The following FTO variants were observed in gnomAD, a reference collection of about 807,000 sequenced individuals.
FTO encodes FTO alpha-ketoglutarate dependent dioxygenase.
FTO carries 47 observed loss-of-function variants against 63.9 expected under a neutral mutation model. The observed-to-expected ratio is 0.74, with a 90% CI of 0.58 to 0.94. The LOEUF is 0.94. Ranked by LOEUF, FTO falls within the 40% of genes least tolerant of loss-of-function variation. FTO has a pLI of 0.00. For synonymous variants in FTO, 207 were observed against 224.4 expected, an observed-to-expected ratio of 0.92 and a Z score of 0.69; for missense variants, 562 against 618.1, an observed-to-expected ratio of 0.91 and a Z score of 0.96.
intron 4 of FTO, among the ~76,000 whole-genome samples, chr16:53,845,583 A>T (rs2079595966): frequency 6.6e-6 from 1 of 152,256 alleles, no homozygotes; most frequent in Admixed American, 6.5e-5. Flanking sequence ...TTTTAAAAGG[A>T]GATTTTACAT....
At chr16:54,061,233 G>A (rs1404457581) in intron 8 of FTO, among the ~76,000 whole-genome samples, 2 of 152,172 alleles carry the variant, frequency 1.3e-5, no homozygotes, top group Non-Finnish European at 2.9e-5. Flanking sequence ...ATAGTGAAAT[G>A]ACTTCAAAAG....
At chr16:53,800,804 A>G (rs1182005924) in intron 1 of FTO, among the ~76,000 whole-genome samples, 1 of 152,014 alleles carries the variant, frequency 6.6e-6, no homozygotes, top group Non-Finnish European at 1.5e-5. Context: ...TCTTTTAATT[A>G]GTATTACTGG....
chr16:53,801,343 A>G (rs951669856), intron 1 of FTO, among the ~76,000 whole-genome samples: 1 of 151,858 alleles, frequency 6.6e-6, no homozygotes, highest in Non-Finnish European at 1.5e-5. Flanking sequence ...AAAAATTTTT[A>G]CCACAATATA....
chr16:53,809,928 G>A (rs1397467679), intron 1 of FTO, among the ~76,000 whole-genome samples: 2 of 151,726 alleles, frequency 1.3e-5, no homozygotes, highest in African/African-American at 2.4e-5. Flanking sequence ...GTGACAGAGC[G>A]AGACTCTGTC....
chr16:54,000,897 GTC>G (rs1437778776), intron 8 of FTO, among the ~76,000 whole-genome samples: 1 of 152,176 alleles, frequency 6.6e-6, no homozygotes, highest in Non-Finnish European at 1.5e-5. Flanking sequence ...AAGTCAGAAA[GTC>G]TGTTTTCTGA....
chr16:53,907,741 G>C (rs2081574932), intron 7 of FTO, among the ~76,000 whole-genome samples: 1 of 151,832 alleles, frequency 6.6e-6, no homozygotes, highest in Admixed American at 6.6e-5. Context: ...CTTCTTCAGG[G>C]CCTTTGCACA....
chr16:53,815,890 C>G (rs1264564857), intron 2 of FTO, among the ~76,000 whole-genome samples: 1 of 151,964 alleles, frequency 6.6e-6, no homozygotes, highest in Non-Finnish European at 1.5e-5. Flanking sequence ...CTCAAGTGAT[C>G]CGCCTGCCTC....
intron 8 of FTO, among the ~76,000 whole-genome samples, chr16:53,972,409 C>T (rs906400907): frequency 4.6e-5 from 7 of 152,106 alleles, no homozygotes; most frequent in South Asian, 4.1e-4. Context: ...ATCTGTCTCC[C>T]CATCTGCAAA....
At chr16:53,978,482 A>T (rs1025078903) in intron 8 of FTO, among the ~76,000 whole-genome samples, 6 of 152,194 alleles carry the variant, frequency 3.9e-5, no homozygotes, top group Non-Finnish European at 7.3e-5. Flanking sequence ...AGGGCCAAAC[A>T]TCGTTTTAGG....
chr16:53,772,970 T>A (rs1009681252), intron 1 of FTO, among the ~76,000 whole-genome samples: 2 of 152,252 alleles, frequency 1.3e-5, no homozygotes, highest in African/African-American at 4.8e-5. Context: ...TGCTCTCTCC[T>A]TTTCTCCCTT....
intron 8 of FTO, among the ~76,000 whole-genome samples, chr16:53,960,417 T>A (rs1416460359): frequency 6.6e-6 from 1 of 152,232 alleles, no homozygotes; most frequent in African/African-American, 2.4e-5. Flanking sequence ...CTTGTTTTAT[T>A]TCTGATAGTG....
At chr16:53,951,249 A>G (rs903329734) in intron 8 of FTO, among the ~76,000 whole-genome samples, 8 of 152,146 alleles carry the variant, frequency 5.3e-5, no homozygotes, top group Non-Finnish European at 1.0e-4. Flanking sequence ...CCCCAACACA[A>G]TGCTCACATT....
chr16:53,973,219 GT>G (rs1226016834), intron 8 of FTO, among the ~76,000 whole-genome samples: 1 of 152,142 alleles, frequency 6.6e-6, no homozygotes, highest in African/African-American at 2.4e-5. Flanking sequence ...CCATTTCAGA[GT>G]TTAACAGTGG....
intron 8 of FTO, among the ~76,000 whole-genome samples, chr16:53,939,039 A>G (rs1393785226): frequency 6.6e-6 from 1 of 152,126 alleles, no homozygotes; most frequent in Non-Finnish European, 1.5e-5. Context: ...CGGAGCTTGC[A>G]GTGAGCCGAG....
At chr16:53,911,494 G>A (rs756372599) in intron 7 of FTO, 18 of 702,924 alleles carry the variant, frequency 2.6e-5, no homozygotes, top group Non-Finnish European at 2.1e-5. Flanking sequence ...GGTAAGGACA[G>A]GAGGACAAGG....
chr16:53,706,487 G>C (rs1306855198), intron 1 of FTO, among the ~76,000 whole-genome samples: 1 of 152,100 alleles, frequency 6.6e-6, no homozygotes, highest in Non-Finnish European at 1.5e-5. Flanking sequence ...CTCTGTAGAT[G>C]CATCTGTATT....
At chr16:53,805,966 C>T (rs143975388) in intron 1 of FTO, among the ~76,000 whole-genome samples, 340 of 152,292 alleles carry the variant, frequency 2.2e-3, no homozygotes, top group African/African-American at 8.0e-3. Context: ...GAGCAGTGTG[C>T]TGCAGGGCCC....
In FTO at chr16:53,956,665, TTC is replaced by T. The variant is rs2082938478; in HGVS notation, c.1364+22558_1364+22559del. The stretch of plus-strand genomic sequence containing the variant: ...TCTAAATTTTCCTTTTTTTTTTTTC[TTC>T]TTTTTTATTTTTTAGATGGAGTTTC... On this transcript the variant is annotated intron_variant, in intron 8 of 8. Coordinates refer to ENST00000471389, the MANE Select transcript of FTO (RefSeq NM_001080432.3). 3 of 105,254 alleles carry T rather than the reference TTC, an allele frequency of 2.9e-5. No individual in the cohort carries two copies. In the Admixed American group the frequency reaches 3.3e-4, roughly 12 times the overall value. 6.5% of individuals were successfully genotyped at this position (105,254 alleles called of 1,614,324 possible). A position where few individuals can be genotyped will look rare whatever the true frequency, so the allele number is the denominator to read the frequency against.
chr16:54,072,033 G>A (rs1226293626), intron 8 of FTO: 1 of 152,108 alleles, frequency 6.6e-6, no homozygotes, highest in African/African-American at 2.4e-5. Context: ...TTTGATCATA[G>A]ACTAATTTTC....
Sources: allele counts gnomAD v4.1 joint callset (sites outside exome capture counted in the v4.1 genomes callset), GRCh38; gene constraint gnomAD v4.1.1; transcripts MANE v1.5; gene names NCBI Gene and HGNC (gene_info 2026-07-23, HGNC 2026-07-21).